The following ZYG11B variants were observed in gnomAD, a reference collection of about 807,000 sequenced individuals.
ZYG11B encodes the protein zyg-11 family member B, cell cycle regulator, also known as protein zyg-11 homolog B.
Under a neutral mutation model 82.4 loss-of-function variants are expected in ZYG11B, and 36 were observed. The observed-to-expected ratio is 0.44, with a 90% CI of 0.33 to 0.58. ZYG11B has a LOEUF of 0.58. Ranked by LOEUF, ZYG11B falls within the 20% of genes least tolerant of loss-of-function variation. The pLI, the probability that ZYG11B is intolerant of heterozygous loss-of-function variation, is 0.02. For synonymous variants in ZYG11B, 303 were observed against 312.8 expected (o/e 0.97, Z 0.33); for missense variants, 552 against 895.6 (o/e 0.62, Z 4.90).
Position 52,803,261 on chromosome 1 carries a change from T to C in ZYG11B, c.1695+1122T>C, listed in dbSNP as rs181717149. ...ATATACACACACACATATATATATA[T>C]ATATACACACACACACACATATATA... On this transcript the variant is annotated intron_variant, in intron 10 of 13. Transcript: ENST00000294353. 4.0e-4 allele frequency among the ~76,000 whole-genome samples: 31 copies of C among 77,004 alleles called. 1 individual carries two copies. The highest frequency in any genetic ancestry group is 1.8e-3 in the East Asian group (4 of 2,212). 50.5% of individuals were successfully genotyped at this position (77,004 alleles called of 152,430 possible).
chr1:52,745,016 A>C (rs1644464752), intron 1 of ZYG11B, among the ~76,000 whole-genome samples: 1 of 152,230 alleles, frequency 6.6e-6, no homozygotes, highest in South Asian at 2.1e-4. Flanking sequence ...TAATTCACAA[A>C]GGATATTTTT....
intron 1 of ZYG11B, among the ~76,000 whole-genome samples, chr1:52,735,750 C>G (rs1002470240): frequency 6.6e-6 from 1 of 152,058 alleles, no homozygotes; most frequent in Non-Finnish European, 1.5e-5. Context: ...GTTGGCTAGG[C>G]TGGTCTCGAA....
At chr1:52,768,341 C>G (rs560198452) in intron 2 of ZYG11B, among the ~76,000 whole-genome samples, 50 of 152,242 alleles carry the variant, frequency 3.3e-4, no homozygotes, top group African/African-American at 1.1e-3. Context: ...CAAGGTCCCC[C>G]CTAGCTGATC....
At chr1:52,761,308 G>A (rs1396047806) in intron 2 of ZYG11B, among the ~76,000 whole-genome samples, 6 of 152,126 alleles carry the variant, frequency 3.9e-5, no homozygotes, top group South Asian at 4.1e-4. Context: ...GCTTAATTAC[G>A]TATCCTTTAA....
intron 13 of ZYG11B, among the ~76,000 whole-genome samples, chr1:52,818,308 A>G (rs1471120924): frequency 6.6e-6 from 1 of 151,954 alleles, no homozygotes; most frequent in Non-Finnish European, 1.5e-5. Flanking sequence ...CCTAGTTTCT[A>G]TAAAAGATGT....
chr1:52,776,229 A>AAAATATATATATAT, intron 3 of ZYG11B, among the ~76,000 whole-genome samples: 7 of 23,524 alleles, frequency 3.0e-4, no homozygotes, highest in Non-Finnish European at 8.1e-4. Context: ...TAAAAAAAAA[A>AAAATATATATATAT]ATATATATAT....
intron 2 of ZYG11B, among the ~76,000 whole-genome samples, chr1:52,758,159 A>G (rs948434229): frequency 1.3e-5 from 2 of 149,148 alleles, no homozygotes; most frequent in African/African-American, 5.0e-5. Flanking sequence ...AGATTGTGCC[A>G]CTGCACACCT....
At position 52,823,195 on chromosome 1, in the gene ZYG11B, T is replaced by G. The variant is rs1382667660; in HGVS notation, c.*1566T>G. The G allele has an allele frequency of 6.6e-6, 1 of 152,116 alleles. No individual in the cohort carries two copies. The highest frequency in any genetic ancestry group is 1.5e-5 in the Non-Finnish European group (1 of 68,028). 9.4% of individuals were successfully genotyped at this position (152,116 alleles called of 1,614,324 possible). On this transcript the variant is annotated 3_prime_UTR_variant, in exon 14 of 14. Transcript: ENST00000294353. The stretch of plus-strand genomic sequence containing the variant: ...AGGTCTGGATGCAGTGGCTCATGCT[T>G]GTAATCCCAGCACTTTGGGAAGCTG...
chr1:52,769,289 T>C (rs923345074), intron 2 of ZYG11B, among the ~76,000 whole-genome samples: 1 of 152,116 alleles, frequency 6.6e-6, no homozygotes, highest in Non-Finnish European at 1.5e-5. Flanking sequence ...TTAATCGAAA[T>C]GTAATTTTAA....
intron 1 of ZYG11B, among the ~76,000 whole-genome samples, chr1:52,744,969 A>C (rs1165697174): frequency 1.3e-5 from 2 of 152,240 alleles, no homozygotes; most frequent in African/African-American, 2.4e-5. Flanking sequence ...TCAGGATGTG[A>C]ATATGCTTTG....
At chr1:52,786,038 A>G (rs1381383948) in intron 5 of ZYG11B, among the ~76,000 whole-genome samples, 1 of 152,252 alleles carries the variant, frequency 6.6e-6, no homozygotes, top group Non-Finnish European at 1.5e-5. Flanking sequence ...ATGTTAGAGA[A>G]ACAACAAAAG....
intron 2 of ZYG11B, among the ~76,000 whole-genome samples, chr1:52,757,747 G>A (rs12029717): frequency 0.11 from 15,969 of 151,966 alleles, 1,876 homozygotes; most frequent in East Asian, 0.35. Flanking sequence ...TACTGTTATG[G>A]AAAAACTAAT....
chr1:52,755,671 T>C (rs1644569644), intron 1 of ZYG11B, among the ~76,000 whole-genome samples: 1 of 152,070 alleles, frequency 6.6e-6, no homozygotes, highest in African/African-American at 2.4e-5. Flanking sequence ...CTGGCTAATT[T>C]TGTATTAGTG....
chr1:52,813,326 T>C (rs1002102025), intron 10 of ZYG11B, among the ~76,000 whole-genome samples: 3 of 152,136 alleles, frequency 2.0e-5, no homozygotes, highest in African/African-American at 7.2e-5. Flanking sequence ...TAAACTATGA[T>C]CTCTGTTTCA....
chr1:52,771,859 AT>A lies in ZYG11B; in HGVS notation c.951+86del. 7.0e-7 allele frequency: 1 copy of A among 1,438,356 alleles called. No homozygotes were observed. Among genetic ancestry groups the A allele is most frequent in the East Asian group, 2.3e-5 (1 of 43,800 alleles). The allele number at this position is 1,438,356 out of a possible 1,614,324, so 89.1% of individuals were successfully genotyped here. ...TCTATTAAAGATGAATGTCTGTAAT[AT>A]ATGGAACATGTTCATGAAACAGGGC... On this transcript the variant is annotated intron_variant, in intron 3 of 13. Transcript: ENST00000294353. This position sits in a 1 kb window ranked among gnomAD's most constrained non-coding sequence, Gnocchi z 5.4.
At chr1:52,813,429 T>C in intron 10 of ZYG11B, 107 bp from the exon 11 acceptor site, 3 of 835,782 alleles carry the variant, frequency 3.6e-6, no homozygotes, top group Non-Finnish European at 3.6e-6. Flanking sequence ...GGAAATACTT[T>C]TCTTTCACCT....
intron 1 of ZYG11B, among the ~76,000 whole-genome samples, chr1:52,741,298 C>CAAAAAAAAAAAA (rs770092920): frequency 1.2e-4 from 9 of 72,204 alleles, no homozygotes; most frequent in African/African-American, 3.1e-4. Context: ...GACTTCGTCT[C>CAAAAAAAAAAAA]AAAAAAAAAA....
intron 2 of ZYG11B, among the ~76,000 whole-genome samples, chr1:52,762,985 G>GC (rs1378275365): frequency 1.4e-5 from 2 of 138,628 alleles, no homozygotes; most frequent in Non-Finnish European, 3.2e-5. Context: ...TTGGGGGGGG[G>GC]GGGTCTAGTT....
chr1:52,749,778 C>A (rs1041230909), intron 1 of ZYG11B, among the ~76,000 whole-genome samples: 1 of 152,124 alleles, frequency 6.6e-6, no homozygotes, highest in Non-Finnish European at 1.5e-5. Context: ...GTCTTGAACT[C>A]CTGACCTCAG....
Sources: gnomAD v4.1 joint callset for allele counts (sites outside exome capture counted in the v4.1 genomes callset) on GRCh38, gnomAD v4.1.1 for gene constraint, Gnocchi (gnomAD v3.1) non-coding constraint, MANE v1.5 for transcripts, NCBI Gene and HGNC (gene_info 2026-07-23, HGNC 2026-07-21) for gene names.